The following PCDH19 variants were observed in gnomAD, a reference collection of about 807,000 sequenced individuals.
The protein encoded by PCDH19 is protocadherin-19.
PCDH19 carries 6 observed loss-of-function variants against 46.2 expected under a neutral mutation model. That is an observed-to-expected ratio of 0.13 (90% CI 0.07 to 0.26). The LOEUF is 0.26. Among genes scored for constraint, PCDH19 ranks in the 10% least tolerant of loss-of-function variants. PCDH19 has a pLI of 1.00. For synonymous variants in PCDH19, 481 were observed against 415.7 expected (o/e 1.16, Z -1.91); for missense variants, 740 against 972.3 (o/e 0.76, Z 3.18).
chrX:100,305,125 G>C (rs559547988), intron 5 of PCDH19, among the ~76,000 whole-genome samples: 1 of 112,143 alleles, frequency 8.9e-6, no homozygotes, highest in East Asian at 2.8e-4. Flanking sequence ...ATAGTCATCA[G>C]GTTATCTGAA....
In PCDH19 at chrX:100,292,746, A is replaced by AG. The variant is rs1924464534; in HGVS notation, c.*3530dup. The AG allele has an allele frequency of 8.9e-6, 1 of 112,156 alleles. No homozygotes were observed. The allele number at this position is 112,156 out of a possible 1,213,427, so 9.2% of individuals were successfully genotyped here. ...ATCCTTAAATGTAATTTTACCAAGA[A>AG]GGCAAACACTAGGACTGTATACAAT... On this transcript the variant is annotated 3_prime_UTR_variant, in exon 6 of 6. Transcript: ENST00000373034.
chrX:100,352,317 T>A, intron 3 of PCDH19, among the ~76,000 whole-genome samples: 1 of 112,491 alleles, frequency 8.9e-6, no homozygotes, highest in Non-Finnish European at 1.9e-5. Context: ...AAGAAGTTTA[T>A]CCAACAGTCA....
intron 3 of PCDH19, among the ~76,000 whole-genome samples, chrX:100,362,714 G>A (rs1372846577): frequency 9.4e-6 from 1 of 106,642 alleles, no homozygotes; most frequent in East Asian, 3.0e-4. Context: ...GGAGAATGGC[G>A]TGAACCCAGG....
chrX:100,386,248 A>AC (rs1223965104), intron 3 of PCDH19, among the ~76,000 whole-genome samples: 1 of 110,915 alleles, frequency 9.0e-6, no homozygotes, highest in East Asian at 2.8e-4. Flanking sequence ...AGCTAAGGGT[A>AC]CCTCAAGGCC....
At chrX:100,355,568 A>G (rs1926685703) in intron 3 of PCDH19, among the ~76,000 whole-genome samples, 1 of 111,905 alleles carries the variant, frequency 8.9e-6, no homozygotes, top group African/African-American at 3.2e-5. Context: ...CTAGAAAAAA[A>G]AGAGTTGTAA....
chrX:100,330,502 G>C (rs916164883), intron 5 of PCDH19, among the ~76,000 whole-genome samples: 2 of 112,458 alleles, frequency 1.8e-5, no homozygotes, highest in Admixed American at 1.9e-4. Context: ...TGCTGCAAGA[G>C]TATCAAGTTT....
At chrX:100,404,065 G>A (rs564639278) in intron 1 of PCDH19, among the ~76,000 whole-genome samples, 3 of 111,895 alleles carry the variant, frequency 2.7e-5, no homozygotes. Flanking sequence ...AGATCATCTC[G>A]CAAGTCTCAT....
chrX:100,360,251 T>C (rs1926843126), intron 3 of PCDH19, among the ~76,000 whole-genome samples: 1 of 112,186 alleles, frequency 8.9e-6, no homozygotes, highest in African/African-American at 3.2e-5. Flanking sequence ...GCCTTTGGCA[T>C]ATCATTCTAA....
chrX:100,305,299 C>CA (rs1249163850), intron 5 of PCDH19, among the ~76,000 whole-genome samples: 3 of 59,382 alleles, frequency 5.1e-5, no homozygotes, highest in African/African-American at 1.1e-4. Context: ...AATTATCAGC[C>CA]AAGAATTTTG....
At chrX:100,322,152 G>C (rs966018145) in intron 5 of PCDH19, among the ~76,000 whole-genome samples, 3 of 110,971 alleles carry the variant, frequency 2.7e-5, no homozygotes, top group Non-Finnish European at 5.7e-5. Context: ...CTAAGCCAAT[G>C]TCTAGAAGGT....
At chrX:100,365,424 C>A (rs765642406) in intron 3 of PCDH19, among the ~76,000 whole-genome samples, 25 of 111,681 alleles carry the variant, frequency 2.2e-4, no homozygotes, top group Non-Finnish European at 4.1e-4. Flanking sequence ...CTTTTGAGAT[C>A]TATCCTTCAT....
rs1928379237 is a variant in PCDH19 at position 100,407,032 on chromosome X, G to A, written c.1566C>T (p.Asn522=). ...ATTCGAACGCCTTGGTCTGCTCGTGGTTAAAGGATCGCAGCGCGTAGATGT... is the reference window on the plus strand; with the variant it reads ...ATTCGAACGCCTTGGTCTGCTCGTGATTAAAGGATCGCAGCGCGTAGATGT... ...SGDIYALRSF[N]HEQTKAFEFK... Residue 522 remains asparagine (N), a synonymous_variant, in exon 1 of 6, where the codon AAC becomes AAT. Coordinates refer to ENST00000373034, the MANE Select transcript of PCDH19 (RefSeq NM_001184880.2). The A allele has an allele frequency of 1.7e-6, 2 of 1,210,223 alleles. No individual in the cohort carries two copies. The highest frequency in any genetic ancestry group is 1.7e-5 in the African/African-American group (1 of 57,206).
intron 5 of PCDH19, among the ~76,000 whole-genome samples, chrX:100,325,198 T>C (rs1488658786): frequency 9.2e-6 from 1 of 109,284 alleles, no homozygotes; most frequent in South Asian, 3.9e-4. Context: ...ATTGGTCTTA[T>C]CAACATTAAT....
intron 3 of PCDH19, among the ~76,000 whole-genome samples, chrX:100,399,302 A>T (rs182275605): frequency 8.0e-4 from 90 of 112,157 alleles, no homozygotes; most frequent in African/African-American, 2.8e-3. Flanking sequence ...AAATATAAAG[A>T]TAATGTAGGA....
intron 3 of PCDH19, among the ~76,000 whole-genome samples, chrX:100,389,374 G>A (rs1003247721): frequency 1.0e-5 from 1 of 95,671 alleles, no homozygotes; most frequent in Non-Finnish European, 2.1e-5. Flanking sequence ...CAGAACGGTG[G>A]TTGCCAGGGG....
At position 100,341,961 on chromosome X, in the gene PCDH19, A is replaced by G. The variant is rs375759744; in HGVS notation, c.2790T>C (p.Ala930=). ...DVQRSLYCDT[A]VNDVLNTSVT... is the part of the protein sequence containing the mutation. ...CACTGGTGTTCAGCACATCGTTGAC[A>G]GCAGTATCACAATACAGGCTCCGCT... The change falls in exon 5 of 6, where the codon GCT becomes GCC. Residue 930 remains alanine, a synonymous_variant. Transcript: ENST00000373034. The G allele has an allele frequency of 2.1e-4, 252 of 1,208,423 alleles. No homozygotes were observed. The highest frequency in any genetic ancestry group is 4.4e-5 in the Admixed American group (2 of 45,776).
At chrX:100,388,022 T>C (rs1490945811) in intron 3 of PCDH19, among the ~76,000 whole-genome samples, 1 of 111,434 alleles carries the variant, frequency 9.0e-6, no homozygotes, top group African/African-American at 3.3e-5. Context: ...ATTTAAGTAA[T>C]TGCTTTTCTG....
intron 5 of PCDH19, among the ~76,000 whole-genome samples, chrX:100,340,475 T>C (rs147746477): frequency 0.015 from 1,685 of 112,363 alleles, 27 homozygotes; most frequent in African/African-American, 0.051. Context: ...GTAAATGATA[T>C]ATATCAGTTT....
rs200969831 is a variant in PCDH19 at position 100,309,593 on chromosome X, A to AT, written c.2849-12719dup. Among the ~76,000 whole-genome samples, 417 of 111,849 alleles carry AT rather than the reference A, an allele frequency of 3.7e-3. 1 individual carries two copies. The highest frequency in any genetic ancestry group is 0.013 in the African/African-American group (386 of 30,814). On this transcript the variant is annotated intron_variant, in intron 5 of 5. Coordinates refer to ENST00000373034, the MANE Select transcript of PCDH19 (RefSeq NM_001184880.2). ...ACCATTATCGAACTGAGATTATCAG[A>AT]TTTTTTTGGGTCACATAACAGAGCC...
Sources: gnomAD v4.1 joint callset for allele counts (sites outside exome capture counted in the v4.1 genomes callset) on GRCh38, gnomAD v4.1.1 for gene constraint, MANE v1.5 for transcripts, NCBI Gene and HGNC (gene_info 2026-07-23, HGNC 2026-07-21) for gene names.